MED13L: variants seen among roughly 807,000 people sequenced by gnomAD.
MED13L encodes the protein mediator of RNA polymerase II transcription subunit 13-like.
MED13L carries 7 observed loss-of-function variants against 220.9 expected under a neutral mutation model. The ratio of observed to expected loss-of-function variants is 0.03; its 90% CI spans 0.02 to 0.06. The LOEUF is 0.06. MED13L is among the 10% of genes least tolerant of loss of function. The pLI is 1.00. For synonymous variants in MED13L, 1,011 were observed against 1,015.2 expected, an observed-to-expected ratio of 1.00 and a Z score of 0.08; for missense variants, 1,965 against 2,760.5, an observed-to-expected ratio of 0.71 and a Z score of 6.46.
Position 115,980,568 on chromosome 12 carries a change from T to C in MED13L, c.5364+182A>G, listed in dbSNP as rs12422761. On this transcript the variant is annotated intron_variant, in intron 23 of 30. Transcript: ENST00000281928. ...CAAACTCCTAGGCTTAAGCAATCCTTCCACCTCAGCCTCCGAAAGTGCTAA... is the reference window on the plus strand; with the variant it reads ...CAAACTCCTAGGCTTAAGCAATCCTCCCACCTCAGCCTCCGAAAGTGCTAA... The C allele has an allele frequency of 0.22, 147,103 of 676,176 alleles. 16,953 individuals are homozygous for C. The highest frequency in any genetic ancestry group is 0.24 in the Middle Eastern group (598 of 2,476). 41.9% of individuals were successfully genotyped at this position (676,176 alleles called of 1,614,324 possible).
At chr12:116,200,586 C>T (rs372843980) in intron 2 of MED13L, among the ~76,000 whole-genome samples, 17 of 152,102 alleles carry the variant, frequency 1.1e-4, no homozygotes, top group Admixed American at 3.3e-4. Flanking sequence ...AGAATATGTA[C>T]GTAAACTGTC....
intron 4 of MED13L, among the ~76,000 whole-genome samples, chr12:116,024,997 T>G (rs1880303210): frequency 6.6e-6 from 1 of 152,216 alleles, no homozygotes; most frequent in Non-Finnish European, 1.5e-5. Flanking sequence ...TCTGTTTTTA[T>G]GCCAGTGTCA....
intron 10 of MED13L, 184 bp downstream of exon 10, chr12:116,008,217 G>T: frequency 1.3e-6 from 1 of 757,218 alleles, no homozygotes; most frequent in Non-Finnish European, 2.0e-6. Flanking sequence ...TGTGTCAAAT[G>T]ACATGTGTGC....
intron 2 of MED13L, among the ~76,000 whole-genome samples, chr12:116,156,192 G>GT (rs535832009): frequency 6.6e-6 from 1 of 151,518 alleles, no homozygotes; most frequent in Non-Finnish European, 1.5e-5. Context: ...AAGTTCATCA[G>GT]TTTTTTTTAT....
At position 115,991,804 on chromosome 12, in the gene MED13L, T is replaced by A; in HGVS notation, c.3150A>T (p.Thr1050=). ...SPATPRFSVP[T]PRTPRTPRTP... Reference sequence around the variant, plus strand: ...TTCTTGGGGTCCTGGGGGTTCGTGGTGTGGGGACAGAGAAGCGAGGGGTTG... The same window carrying A: ...TTCTTGGGGTCCTGGGGGTTCGTGGAGTGGGGACAGAGAAGCGAGGGGTTG... The change falls in exon 17 of 31, where the codon ACA becomes ACT. Residue 1050 remains threonine, a synonymous_variant. Coordinates refer to ENST00000281928, the MANE Select transcript of MED13L (RefSeq NM_015335.5). This position sits in a 1 kb window ranked among gnomAD's most constrained non-coding sequence, Gnocchi z 7.7. 6.2e-7 allele frequency: 1 copy of A among 1,613,744 alleles called. No homozygotes were observed. The highest frequency in any genetic ancestry group is 1.7e-5 in the Admixed American group (1 of 60,004).
intron 2 of MED13L, among the ~76,000 whole-genome samples, chr12:116,151,909 G>C (rs1878070591): frequency 6.6e-6 from 1 of 152,060 alleles, no homozygotes. Context: ...TGTTTTCTCT[G>C]GTTTGTCCAA....
intron 5 of MED13L, 82 bp from the exon 6 acceptor site, chr12:116,020,054 T>C (rs1459814354): frequency 1.7e-6 from 2 of 1,208,250 alleles, no homozygotes; most frequent in Non-Finnish European, 2.4e-6. Flanking sequence ...GTGGTAATTT[T>C]AGGTTACAGT....
intron 4 of MED13L, among the ~76,000 whole-genome samples, chr12:116,023,979 G>A (rs1441385213): frequency 6.6e-6 from 1 of 152,050 alleles, no homozygotes; most frequent in African/African-American, 2.4e-5. Context: ...ACATTAAATA[G>A]GACCAAAATA....
intron 2 of MED13L, among the ~76,000 whole-genome samples, chr12:116,136,769 T>A (rs1335722760): frequency 1.3e-5 from 2 of 152,214 alleles, no homozygotes; most frequent in Non-Finnish European, 2.9e-5. Flanking sequence ...AGTTTTATAA[T>A]CATATAGTAG....
intron 4 of MED13L, among the ~76,000 whole-genome samples, chr12:116,031,649 G>C (rs1248876509): frequency 8.4e-6 from 1 of 118,692 alleles, no homozygotes; most frequent in Non-Finnish European, 1.8e-5. Context: ...GAGGGGGGAC[G>C]GGACGGGACG....
chr12:116,007,705 TTTGTA>T, intron 10 of MED13L, 69 bp from the exon 11 acceptor site: 3 of 1,397,844 alleles, frequency 2.1e-6, no homozygotes, highest in Non-Finnish European at 2.0e-6. Context: ...GTTTAAACTT[TTTGTA>T]AAAACAACTA....
chr12:115,995,448 G>C (rs1028073617), intron 16 of MED13L, among the ~76,000 whole-genome samples: 1 of 152,152 alleles, frequency 6.6e-6, no homozygotes, highest in Non-Finnish European at 1.5e-5. Flanking sequence ...TTTTGTGACA[G>C]GGTCTTGCTC....
At chr12:116,112,206 T>C (rs1474978423) in intron 2 of MED13L, among the ~76,000 whole-genome samples, 1 of 152,178 alleles carries the variant, frequency 6.6e-6, no homozygotes, top group African/African-American at 2.4e-5. Flanking sequence ...TCCTTTTATT[T>C]TCATAAATAT....
chr12:116,171,167 T>C (rs568653271), intron 2 of MED13L, among the ~76,000 whole-genome samples: 82 of 152,338 alleles, frequency 5.4e-4, no homozygotes, highest in African/African-American at 1.9e-3. Flanking sequence ...CCCACAACCC[T>C]ACTCCCTTGA....
Position 115,965,861 on chromosome 12 carries a change from G to C in MED13L, c.6387+221C>G, listed in dbSNP as rs1172819342. On this transcript the variant is annotated intron_variant, in intron 29 of 30. Coordinates refer to ENST00000281928, the MANE Select transcript of MED13L (RefSeq NM_015335.5). ...TCTGGGCCCCACTGTTTCCTCCTTG[G>C]GCTACAGTGATTCATTTCTTTGTGA... is the stretch of plus-strand genomic sequence containing the variant. 2.6e-5 allele frequency among the ~76,000 whole-genome samples: 4 copies of C among 151,840 alleles called. No individual in the cohort carries two copies. In the East Asian group the frequency reaches 7.7e-4, roughly 29 times the overall value.
intron 2 of MED13L, chr12:116,174,600 T>G (rs1416712587): frequency 6.6e-6 from 1 of 152,110 alleles, no homozygotes; most frequent in Admixed American, 6.5e-5. Context: ...TGACTAAGTT[T>G]CTCCAATCCA....
chr12:115,966,392 C>T (rs556396122), intron 28 of MED13L, 149 bp from the exon 29 acceptor site: 23 of 900,140 alleles, frequency 2.6e-5, no homozygotes, highest in South Asian at 7.1e-5. Context: ...GAAAGGTAAG[C>T]GGGGCCAGCA....
intron 3 of MED13L, among the ~76,000 whole-genome samples, chr12:116,106,660 C>A (rs762936307): frequency 1.4e-4 from 22 of 152,076 alleles, no homozygotes; most frequent in Non-Finnish European, 1.6e-4. Flanking sequence ...GCCTGGCCAA[C>A]ATGGTGATAC....
chr12:116,165,259 C>CTTTTTTTTTTTTTT (rs34196219), intron 2 of MED13L, among the ~76,000 whole-genome samples: 1 of 74,486 alleles, frequency 1.3e-5, no homozygotes, highest in African/African-American at 5.9e-5. Flanking sequence ...AGGCACCATC[C>CTTTTTTTTTTTTTT]TTTTTTTTTT....
Sources: allele counts gnomAD v4.1 joint callset (sites outside exome capture counted in the v4.1 genomes callset), GRCh38; gene constraint gnomAD v4.1.1; non-coding constraint Gnocchi (gnomAD v3.1); transcripts MANE v1.5; gene names NCBI Gene and HGNC (gene_info 2026-07-23, HGNC 2026-07-21).